ASXL3: variants seen among roughly 807,000 people sequenced by gnomAD.
The protein encoded by ASXL3 is ASXL transcriptional regulator 3, also known as putative Polycomb group protein ASXL3.
Under a neutral mutation model 170.6 loss-of-function variants are expected in ASXL3, and 34 were observed. The observed-to-expected ratio is 0.20, with a 90% CI of 0.15 to 0.27. ASXL3 has a LOEUF of 0.27. ASXL3 is among the 10% of genes least tolerant of loss of function. The pLI, the probability that ASXL3 is intolerant of heterozygous loss-of-function variation, is 1.00. For missense variants in ASXL3, 2,592 were observed against 2,695.3 expected (o/e 0.96, Z 0.85); for synonymous variants, 1,002 against 989.1 (o/e 1.01, Z -0.24).
chr18:33,669,338 C>A (rs1384632895), intron 5 of ASXL3, among the ~76,000 whole-genome samples: 1 of 152,080 alleles, frequency 6.6e-6, no homozygotes, highest in East Asian at 1.9e-4. Flanking sequence ...GCCCCTCTCC[C>A]ATATATAGTA....
chr18:33,662,820 T>A (rs1362537461), intron 5 of ASXL3, among the ~76,000 whole-genome samples: 1 of 152,182 alleles, frequency 6.6e-6, no homozygotes, highest in Non-Finnish European at 1.5e-5. Flanking sequence ...TTATGTTTTC[T>A]AAAATAGAGT....
intron 11 of ASXL3, among the ~76,000 whole-genome samples, chr18:33,741,190 T>A (rs2067655210): frequency 6.6e-6 from 1 of 152,158 alleles, no homozygotes; most frequent in Non-Finnish European, 1.5e-5. Flanking sequence ...ATAGAAATAA[T>A]AATATAAACT....
At chr18:33,602,995 C>T (rs1037595762) in intron 1 of ASXL3, among the ~76,000 whole-genome samples, 1 of 152,058 alleles carries the variant, frequency 6.6e-6, no homozygotes, top group East Asian at 1.9e-4. Context: ...GAAGATGACA[C>T]ATTAATGTTA....
chr18:33,719,952 G>A (rs2067231821), intron 8 of ASXL3, among the ~76,000 whole-genome samples: 1 of 152,018 alleles, frequency 6.6e-6, no homozygotes, highest in Admixed American at 6.6e-5. Context: ...CATCTTCAGG[G>A]TTGTTGAAAG....
In ASXL3 at chr18:33,578,454, C is replaced by CCCA. The variant is rs1247505685; in HGVS notation, c.-175_-173dup. 2.6e-5 allele frequency: 2 copies of CCCA among 76,314 alleles called. No individual in the cohort carries two copies. Among genetic ancestry groups the CCCA allele is most frequent in the Admixed American group, 2.1e-4 (1 of 4,868 alleles). The allele number at this position is 76,314 out of a possible 1,614,324, so 4.7% of individuals were successfully genotyped here. On this transcript the variant is annotated 5_prime_UTR_variant, in exon 1 of 12. Transcript: ENST00000269197. ...CACCCCACCCCCTCGCTCCATCCCTCCCACCCGCCGCCGCCGCCGCCGCCG... is the reference window on the plus strand; with the variant it reads ...CACCCCACCCCCTCGCTCCATCCCTCCCACCACCCGCCGCCGCCGCCGCCGCCG...
chr18:33,731,890 AT>A, intron 8 of ASXL3, 77 bp from the exon 9 acceptor site: 2 of 1,153,952 alleles, frequency 1.7e-6, no homozygotes, highest in Non-Finnish European at 2.5e-6. Context: ...ACACCACTCA[AT>A]TTTTGCTTCT....
intron 8 of ASXL3, among the ~76,000 whole-genome samples, chr18:33,725,804 C>G (rs771922194): frequency 6.6e-6 from 1 of 152,124 alleles, no homozygotes; most frequent in Non-Finnish European, 1.5e-5. Flanking sequence ...AAGCCTTATT[C>G]CTGGGAAGCA....
chr18:33,746,599 C>A lies in ASXL3; in HGVS notation c.*4C>A. On this transcript the variant is annotated 3_prime_UTR_variant, in exon 12 of 12. Coordinates refer to ENST00000269197, the MANE Select transcript of ASXL3 (RefSeq NM_030632.3). The stretch of plus-strand genomic sequence containing the variant: ...AGCATGCCTGGTTGTACGATAAGAG[C>A]TGAGTGAAAGATGCAGTATCCCTTT... The A allele has an allele frequency of 6.4e-7, 1 of 1,569,218 alleles. No individual in the cohort carries two copies. Among genetic ancestry groups the A allele is most frequent in the Non-Finnish European group, 8.6e-7 (1 of 1,157,262 alleles).
chr18:33,664,604 TA>T (rs1387833816), intron 5 of ASXL3, among the ~76,000 whole-genome samples: 1 of 152,218 alleles, frequency 6.6e-6, no homozygotes, highest in Non-Finnish European at 1.5e-5. Flanking sequence ...AATAGCTTTA[TA>T]ATCATAAGTG....
Position 33,631,069 on chromosome 18 carries a change from G to T in ASXL3, c.138-13825G>T, listed in dbSNP as rs1457337816. On this transcript the variant is annotated intron_variant, in intron 2 of 11. Coordinates refer to ENST00000269197, the MANE Select transcript of ASXL3 (RefSeq NM_030632.3). Reference sequence around the variant, plus strand: ...CTGTGAAATAAACCACAAAGGAAAAGATGGAGATAATTGGCTACATAACAT... The same window carrying T: ...CTGTGAAATAAACCACAAAGGAAAATATGGAGATAATTGGCTACATAACAT... Among the ~76,000 whole-genome samples the T allele has an allele frequency of 3.9e-5, 6 of 152,098 alleles. No individual in the cohort carries two copies. In the East Asian group the frequency reaches 1.2e-3, roughly 29 times the overall value.
At chr18:33,694,484 A>G (rs991558441) in intron 8 of ASXL3, among the ~76,000 whole-genome samples, 1 of 152,066 alleles carries the variant, frequency 6.6e-6, no homozygotes, top group Non-Finnish European at 1.5e-5. Context: ...TGTCATCGAT[A>G]TCATTTTTAC....
intron 5 of ASXL3, among the ~76,000 whole-genome samples, chr18:33,663,159 G>T (rs1399647775): frequency 1.3e-5 from 2 of 152,160 alleles, no homozygotes. Flanking sequence ...ATAAAAAACA[G>T]CTGTAGGTAG....
At chr18:33,606,837 G>GTA (rs2065256295) in intron 1 of ASXL3, among the ~76,000 whole-genome samples, 1 of 151,892 alleles carries the variant, frequency 6.6e-6, no homozygotes, top group African/African-American at 2.4e-5. Flanking sequence ...ATGGGGTTAA[G>GTA]TCCCTGCAAA....
intron 8 of ASXL3, among the ~76,000 whole-genome samples, chr18:33,725,406 A>G (rs2067333114): frequency 6.6e-6 from 1 of 152,130 alleles, no homozygotes; most frequent in Admixed American, 6.6e-5. Context: ...ATATGATGCC[A>G]CTTGCTCCGA....
Position 33,584,921 on chromosome 18 carries a change from C to CT in ASXL3, c.54+6246dup, listed in dbSNP as rs767409907. Among the ~76,000 whole-genome samples, 664 of 148,642 alleles carry CT rather than the reference C, an allele frequency of 4.5e-3. 3 individuals carry two copies. Among genetic ancestry groups the CT allele is most frequent in the Non-Finnish European group, 7.2e-3 (480 of 66,944 alleles). The stretch of plus-strand genomic sequence containing the variant: ...GTGTGTCTGTATGTGTGTGTGTATA[C>CT]TTTTTTTTTTCTATGTAACTTGTCA... On this transcript the variant is annotated intron_variant, in intron 1 of 11. Coordinates refer to ENST00000269197, the MANE Select transcript of ASXL3 (RefSeq NM_030632.3).
At chr18:33,611,716 T>C (rs972687342) in intron 2 of ASXL3, among the ~76,000 whole-genome samples, 1 of 152,086 alleles carries the variant, frequency 6.6e-6, no homozygotes, top group African/African-American at 2.4e-5. Flanking sequence ...ATGGAATATG[T>C]TCTTGTCTGC....
chr18:33,619,620 G>A (rs2065479085), intron 2 of ASXL3, among the ~76,000 whole-genome samples: 1 of 151,982 alleles, frequency 6.6e-6, no homozygotes, highest in Non-Finnish European at 1.5e-5. Flanking sequence ...AGAAGATGGT[G>A]CTCTGAGGGC....
In ASXL3 at chr18:33,615,610, G is replaced by T. The variant is rs542628048; in HGVS notation, c.137+7934G>T. On this transcript the variant is annotated intron_variant, in intron 2 of 11. Coordinates refer to ENST00000269197, the MANE Select transcript of ASXL3 (RefSeq NM_030632.3). ...AATTTGTAAAAAATGCAATATCTGC[G>T]AAGCATAATAAAGTGAAACACACAA... Among the ~76,000 whole-genome samples, 34 of 152,214 alleles carry T rather than the reference G, an allele frequency of 2.2e-4. No individual in the cohort carries two copies. The South Asian group carries it at 5.4e-3, about 24-fold the overall frequency.
rs181278841 is a variant in ASXL3, at chr18:33,738,692, C to T, written c.1288C>T (p.Pro430Ser). The T allele has an allele frequency of 1.2e-6, 2 of 1,613,876 alleles. No homozygotes were observed. Among genetic ancestry groups the T allele is most frequent in the African/African-American group, 2.7e-5 (2 of 75,010 alleles). The change falls in exon 11 of 12, where the codon CCT becomes TCT. Residue 430 changes from proline to serine, a missense_variant. By Grantham distance (74) the Pro-to-Ser change is moderately conservative (BLOSUM62 -1). Transcript: ENST00000269197. ...ATLCPMVEIP[P>S]KDIMAELESE... ...TCTTTGCCCTATGGTAGAAATTCCA[C>T]CTAAAGATATAATGGCAGAATTGGA...
Sources: allele counts gnomAD v4.1 joint callset (sites outside exome capture counted in the v4.1 genomes callset), GRCh38; gene constraint gnomAD v4.1.1; transcripts MANE v1.5; gene names NCBI Gene and HGNC (gene_info 2026-07-23, HGNC 2026-07-21).